MED15: variants seen among roughly 807,000 people sequenced by gnomAD.
MED15 encodes the protein mediator of RNA polymerase II transcription subunit 15.
In MED15, 41 loss-of-function variants were observed where a neutral mutation model predicts 118.7. The observed-to-expected ratio is 0.35, with a 90% confidence interval of 0.27 to 0.45. MED15 has a LOEUF of 0.45. MED15 is among the 20% of genes least tolerant of loss of function. MED15 has a pLI of 1.00. For synonymous variants in MED15, 436 were observed against 413.9 expected, an observed-to-expected ratio of 1.05 and a Z score of -0.65; for missense variants, 740 against 1,025.5, an observed-to-expected ratio of 0.72 and a Z score of 3.80.
Position 20,565,397 on chromosome 22 carries a change from G to A in MED15, c.690+709G>A, listed in dbSNP as rs554037883. Among the ~76,000 whole-genome samples the A allele has an allele frequency of 3.3e-5, 5 of 152,332 alleles. No individual in the cohort carries two copies. In the East Asian group the frequency reaches 9.7e-4, roughly 29 times the overall value. ...TGCCTCCTGTTTACCTCTGTGTCTT[G>A]GGTTCTGGGCTCAGTGTTAGTCGAC... On this transcript the variant is annotated intron_variant, in intron 6 of 17. Transcript: ENST00000263205.
intron 2 of MED15, among the ~76,000 whole-genome samples, chr22:20,544,507 A>C (rs1321224599): frequency 6.6e-6 from 1 of 152,154 alleles, no homozygotes; most frequent in Non-Finnish European, 1.5e-5. Context: ...TCTACTAAAA[A>C]TACAAAACAA....
chr22:20,538,033 C>A lies in MED15; in HGVS notation c.156+829C>A, dbSNP rs533079834. 1.2e-4 allele frequency among the ~76,000 whole-genome samples: 18 copies of A among 152,302 alleles called. No individual in the cohort carries two copies. In the East Asian group the frequency reaches 2.9e-3, roughly 24 times the overall value. Reference sequence around the variant, plus strand: ...TTCTTTAAGAGCTTTATACGGTTCACCCTTTAAAGTTTACATTTCAGTGGT... The same window carrying A: ...TTCTTTAAGAGCTTTATACGGTTCAACCTTTAAAGTTTACATTTCAGTGGT... On this transcript the variant is annotated intron_variant, in intron 2 of 17. Transcript: ENST00000263205.
At chr22:20,530,767 C>T (rs1352400498) in intron 1 of MED15, among the ~76,000 whole-genome samples, 1 of 152,058 alleles carries the variant, frequency 6.6e-6, no homozygotes, top group African/African-American at 2.4e-5. Context: ...TTCTTGCGGG[C>T]GGTGGAGCTG....
chr22:20,555,841 C>T, intron 5 of MED15, among the ~76,000 whole-genome samples: 1 of 152,218 alleles, frequency 6.6e-6, no homozygotes, highest in Non-Finnish European at 1.5e-5. Flanking sequence ...CACACCACAG[C>T]CTCCAAAGTA....
chr22:20,516,781 A>G (rs1232946814), intron 1 of MED15, among the ~76,000 whole-genome samples: 1 of 152,206 alleles, frequency 6.6e-6, no homozygotes, highest in Non-Finnish European at 1.5e-5. Context: ...TGGAGGGCAA[A>G]CATTTTAAGG....
chr22:20,568,469 C>G lies in MED15; in HGVS notation c.1042-52C>G. On this transcript the variant is annotated intron_variant, in intron 7 of 17. Transcript: ENST00000263205. ...TAAGCTTCCACAGGAAGACTAGGCT[C>G]TGCTCTCTGACCCAGGTGGTTCCAA... The G allele has an allele frequency of 2.5e-6, 4 of 1,592,850 alleles. No individual in the cohort carries two copies. In the South Asian group the frequency reaches 4.5e-5, roughly 18 times the overall value.
intron 2 of MED15, among the ~76,000 whole-genome samples, chr22:20,540,066 C>T (rs1028423396): frequency 1.3e-5 from 2 of 151,928 alleles, no homozygotes; most frequent in Admixed American, 6.6e-5. Context: ...CTCTGTCGGC[C>T]AGGCTGGAGT....
chr22:20,549,022 A>G (rs576666353), intron 2 of MED15, among the ~76,000 whole-genome samples: 1 of 152,274 alleles, frequency 6.6e-6, no homozygotes, highest in East Asian at 1.9e-4. Context: ...GCTGGTCTTA[A>G]ACTCCTGGCC....
At chr22:20,580,530 G>A (rs2056950613) in intron 9 of MED15, among the ~76,000 whole-genome samples, 1 of 152,148 alleles carries the variant, frequency 6.6e-6, no homozygotes, top group Non-Finnish European at 1.5e-5. Context: ...AGGTGAGCTT[G>A]TGAGACAGCT....
At chr22:20,561,897 A>G (rs2056257426) in intron 5 of MED15, among the ~76,000 whole-genome samples, 1 of 152,060 alleles carries the variant, frequency 6.6e-6, no homozygotes, top group Non-Finnish European at 1.5e-5. Context: ...ATGCTGAGGT[A>G]AGAGGATCAC....
At chr22:20,527,517 C>A (rs2054690167) in intron 1 of MED15, among the ~76,000 whole-genome samples, 1 of 151,944 alleles carries the variant, frequency 6.6e-6, no homozygotes, top group African/African-American at 2.4e-5. Flanking sequence ...TCATGGCTCA[C>A]TATGGCCTCG....
chr22:20,549,763 C>G (rs1446752992), intron 2 of MED15, among the ~76,000 whole-genome samples: 2 of 152,296 alleles, frequency 1.3e-5, no homozygotes, highest in Admixed American at 6.5e-5. Context: ...GGTAGCAGAG[C>G]TGGAGCAGAT....
At chr22:20,579,832 A>G (rs996079346) in intron 9 of MED15, among the ~76,000 whole-genome samples, 1 of 152,084 alleles carries the variant, frequency 6.6e-6, no homozygotes, top group Non-Finnish European at 1.5e-5. Context: ...AACCTGTGAC[A>G]CACAGGTGAC....
At chr22:20,565,884 G>T (rs970758472) in intron 6 of MED15, among the ~76,000 whole-genome samples, 3 of 151,014 alleles carry the variant, frequency 2.0e-5, no homozygotes, top group African/African-American at 7.4e-5. Flanking sequence ...CTAGTGGAAT[G>T]GTAGACCAGA....
At chr22:20,528,446 A>G (rs968815653) in intron 1 of MED15, among the ~76,000 whole-genome samples, 6 of 151,810 alleles carry the variant, frequency 4.0e-5, no homozygotes, top group African/African-American at 1.2e-4. Flanking sequence ...GATCCCTCAC[A>G]TGCACAGTTT....
intron 1 of MED15, among the ~76,000 whole-genome samples, chr22:20,513,311 G>T (rs1415299400): frequency 4.9e-5 from 7 of 143,852 alleles, no homozygotes; most frequent in Non-Finnish European, 1.1e-4. Flanking sequence ...ACGGAGTCTC[G>T]CCCTGTGGCC....
chr22:20,542,948 G>A (rs1484789526), intron 2 of MED15, among the ~76,000 whole-genome samples: 1 of 152,120 alleles, frequency 6.6e-6, no homozygotes, highest in Non-Finnish European at 1.5e-5. Context: ...TGGAAGATAT[G>A]CCACACCCTT....
At chr22:20,570,629 G>A (rs972253752) in intron 8 of MED15, among the ~76,000 whole-genome samples, 3 of 150,968 alleles carry the variant, frequency 2.0e-5, no homozygotes, top group Non-Finnish European at 4.4e-5. Flanking sequence ...GACCTCAAGT[G>A]ATTCACCCGC....
At chr22:20,532,986 C>T (rs992004240) in intron 1 of MED15, among the ~76,000 whole-genome samples, 7 of 152,180 alleles carry the variant, frequency 4.6e-5, no homozygotes, top group African/African-American at 1.7e-4. Flanking sequence ...CCTTTCATTT[C>T]GTGACAGTGG....
Sources: gnomAD v4.1 joint callset for allele counts (sites outside exome capture counted in the v4.1 genomes callset) on GRCh38, gnomAD v4.1.1 for gene constraint, MANE v1.5 for transcripts, NCBI Gene and HGNC (gene_info 2026-07-23, HGNC 2026-07-21) for gene names.